Variants in HIVEP1 observed in about 807,000 individuals in gnomAD.
HIVEP1 encodes HIVEP zinc finger 1.
Under a neutral mutation model 180.0 loss-of-function variants are expected in HIVEP1, and 36 were observed. That is an observed-to-expected ratio of 0.20 (90% CI 0.15 to 0.26). The LOEUF (loss-of-function observed/expected upper bound fraction) is 0.26, where lower values mean the gene tolerates loss of function less well. Ranked by LOEUF, HIVEP1 falls within the 10% of genes least tolerant of loss-of-function variation. The probability of loss-of-function intolerance (pLI) is 1.00; values close to 1 mark genes in which losing one functional copy is unlikely to be tolerated. For missense variants in HIVEP1, 3,143 were observed against 3,268.7 expected (o/e 0.96, Z 0.94); for synonymous variants, 1,239 against 1,239.0 (o/e 1.00, Z 0.00).
intron 7 of HIVEP1, among the ~76,000 whole-genome samples, chr6:12,137,812 G>T (rs1310124660): frequency 6.6e-6 from 1 of 152,038 alleles, no homozygotes; most frequent in African/African-American, 2.4e-5. Context: ...TTAAACAAAT[G>T]ATCTTGTTTT....
At chr6:12,197,846 G>A in the HIVEP1 span, among the ~76,000 whole-genome samples, 1 of 152,178 alleles carries the variant, frequency 6.6e-6, no homozygotes, top group African/African-American at 2.4e-5. Context: ...AAAGTGGTGA[G>A]GGTCTGAGCT....
chr6:12,147,348 A>T (rs1044301326), intron 7 of HIVEP1, among the ~76,000 whole-genome samples: 6 of 152,214 alleles, frequency 3.9e-5, no homozygotes, highest in Non-Finnish European at 7.3e-5. Context: ...ATAGTGACAC[A>T]TACAGTGTTT....
At chr6:12,102,679 A>C (rs1160207874) in intron 3 of HIVEP1, among the ~76,000 whole-genome samples, 1 of 152,248 alleles carries the variant, frequency 6.6e-6, no homozygotes, top group Non-Finnish European at 1.5e-5. Flanking sequence ...CTTGATGTAC[A>C]ACTACAATTC....
intron 2 of HIVEP1, among the ~76,000 whole-genome samples, chr6:12,084,825 C>T (rs993948189): frequency 2.0e-5 from 3 of 151,924 alleles, no homozygotes; most frequent in Non-Finnish European, 2.9e-5. Flanking sequence ...TATATGGTAC[C>T]CAGCAGAACA....
chr6:12,191,255 A>G, the HIVEP1 span, among the ~76,000 whole-genome samples: 2 of 152,224 alleles, frequency 1.3e-5, no homozygotes, highest in East Asian at 3.8e-4. Context: ...CTTTGTCTAC[A>G]TTGATTTGTT....
chr6:12,015,842 A>G (rs1412886868), intron 2 of HIVEP1, among the ~76,000 whole-genome samples, 174 bp downstream of exon 2: 1 of 152,240 alleles, frequency 6.6e-6, no homozygotes, highest in Non-Finnish European at 1.5e-5. Context: ...GAGATACTTA[A>G]TAAATATCTG....
chr6:12,037,638 T>A (rs1466975208), intron 2 of HIVEP1: 2 of 394,216 alleles, frequency 5.1e-6, no homozygotes, highest in Non-Finnish European at 4.5e-6. Context: ...AGTGAGTGTT[T>A]TCCTGTTTTC....
chr6:12,079,939 T>TCTAG (rs1239924084), intron 2 of HIVEP1, among the ~76,000 whole-genome samples: 1 of 149,438 alleles, frequency 6.7e-6, no homozygotes, highest in Non-Finnish European at 1.5e-5. Flanking sequence ...ATGGCATCTA[T>TCTAG]CTATCTATCT....
chr6:12,104,425 C>CTTTTTTTTTTTTTTTTTTTTT (rs70981665), intron 3 of HIVEP1, among the ~76,000 whole-genome samples: 3 of 72,790 alleles, frequency 4.1e-5, no homozygotes, highest in Non-Finnish European at 7.4e-5. Context: ...CTTTTCTTTC[C>CTTTTTTTTTTTTTTTTTTTTT]TTTTTTTTTT....
chr6:12,109,763 C>T (rs1325812637), intron 3 of HIVEP1, among the ~76,000 whole-genome samples: 6 of 152,150 alleles, frequency 3.9e-5, no homozygotes, highest in African/African-American at 4.8e-5. Flanking sequence ...CCATTTTGAC[C>T]TCCTCTCATC....
intron 7 of HIVEP1, among the ~76,000 whole-genome samples, chr6:12,158,400 A>C (rs1197735169): frequency 2.0e-5 from 3 of 152,156 alleles, no homozygotes; most frequent in Admixed American, 2.0e-4. Flanking sequence ...GTTGGATCAC[A>C]AGAACATCAC....
At chr6:12,017,118 T>A (rs1767825023) in intron 2 of HIVEP1, among the ~76,000 whole-genome samples, 1 of 152,248 alleles carries the variant, frequency 6.6e-6, no homozygotes, top group African/African-American at 2.4e-5. Context: ...TATATGTTCA[T>A]AACATTCTAG....
chr6:12,166,609 A>G (rs1760705333), downstream of HIVEP1, among the ~76,000 whole-genome samples: 1 of 152,236 alleles, frequency 6.6e-6, no homozygotes, highest in African/African-American at 2.4e-5. Context: ...TTGAAATTAC[A>G]TGCACAAAAT....
At chr6:12,064,015 A>G (rs1307661400) in intron 2 of HIVEP1, among the ~76,000 whole-genome samples, 1 of 152,182 alleles carries the variant, frequency 6.6e-6, no homozygotes, top group Admixed American at 6.5e-5. Context: ...ATGCCTTGGT[A>G]TAATATATAA....
intron 2 of HIVEP1, among the ~76,000 whole-genome samples, chr6:12,070,205 A>G (rs1398650463): frequency 1.3e-5 from 2 of 152,230 alleles, no homozygotes; most frequent in Admixed American, 1.3e-4. Flanking sequence ...ACAATAAAGT[A>G]TAGTAAATAC....
In HIVEP1 at chr6:12,065,220, G is replaced by A. The variant is rs77313579; in HGVS notation, c.41-23964G>A. Reference sequence around the variant, plus strand: ...AGTTAAAGCATGTCATGAAAAACTGGTGAGTTGTGGATAAATGTTGGGACC... The same window carrying A: ...AGTTAAAGCATGTCATGAAAAACTGATGAGTTGTGGATAAATGTTGGGACC... On this transcript the variant is annotated intron_variant, in intron 2 of 8. Transcript: ENST00000379388. Among the ~76,000 whole-genome samples, 526 of 152,328 alleles carry A rather than the reference G, an allele frequency of 3.5e-3. 3 individuals carry two copies. The highest frequency in any genetic ancestry group is 0.012 in the African/African-American group (506 of 41,590).
At chr6:12,196,059 TGTG>T in the HIVEP1 span, among the ~76,000 whole-genome samples, 2 of 152,216 alleles carry the variant, frequency 1.3e-5, no homozygotes, top group African/African-American at 4.8e-5. Context: ...ATTAGTAGTA[TGTG>T]GAACCACTGG....
intron 3 of HIVEP1, among the ~76,000 whole-genome samples, chr6:12,095,028 A>G (rs1476112332): frequency 1.3e-5 from 2 of 152,016 alleles, no homozygotes; most frequent in African/African-American, 2.4e-5. Flanking sequence ...TCTTATCTAA[A>G]CAGTCACATC....
intron 7 of HIVEP1, among the ~76,000 whole-genome samples, chr6:12,143,424 A>G (rs1581775307): frequency 6.6e-6 from 1 of 152,216 alleles, no homozygotes; most frequent in South Asian, 2.1e-4. Context: ...CCCACAACCA[A>G]TATCATACTG....
Sources: gnomAD v4.1 joint callset for allele counts (sites outside exome capture counted in the v4.1 genomes callset) on GRCh38, gnomAD v4.1.1 for gene constraint, MANE v1.5 for transcripts, NCBI Gene and HGNC (gene_info 2026-07-23, HGNC 2026-07-21) for gene names.